Variants in SNX31 observed in about 807,000 individuals in gnomAD.
SNX31 encodes the protein sorting nexin-31.
A neutral mutation model predicts 65.4 loss-of-function variants in SNX31; 58 were observed. The observed-to-expected ratio is 0.89, with a 90% CI of 0.72 to 1.10. The LOEUF (loss-of-function observed/expected upper bound fraction) is 1.10. Ranked by LOEUF, SNX31 falls within the 50% of genes least tolerant of loss-of-function variation. SNX31 has a pLI of 0.00. For synonymous variants in SNX31, 181 were observed against 190.1 expected, an observed-to-expected ratio of 0.95 and a Z score of 0.39; for missense variants, 523 against 529.7, an observed-to-expected ratio of 0.99 and a Z score of 0.12.
Position 100,575,179 on chromosome 8 carries a change from T to G in SNX31, c.1228-1219A>C, listed in dbSNP as rs1812947683. ...AGTGGTTAAAGCAACAAACTAATTT[T>G]ATTTGTTAAACAACAAATAAAGACT... On this transcript the variant is annotated intron_variant, in intron 13 of 13. Coordinates refer to ENST00000311812, the MANE Select transcript of SNX31 (RefSeq NM_152628.4). The surrounding 1 kb of genome is among the most constrained non-coding windows in gnomAD (Gnocchi z 5.1). 6.6e-6 allele frequency among the ~76,000 whole-genome samples: 1 copy of G among 152,252 alleles called. No homozygotes were observed. The highest frequency in any genetic ancestry group is 6.5e-5 in the Admixed American group (1 of 15,294).
At position 100,610,547 on chromosome 8, in the gene SNX31, A is replaced by T. The variant is rs373664452; in HGVS notation, c.611+1453T>A. Among the ~76,000 whole-genome samples, 15 of 152,328 alleles carry T rather than the reference A, an allele frequency of 9.8e-5. 1 individual carries two copies. In the East Asian group the frequency reaches 2.5e-3, roughly 25 times the overall value. ...AGAAACTGAGGCTTAGAGAGCTTGA[A>T]CGACTTGGCTAGGTTTACGCAGCTA... On this transcript the variant is annotated intron_variant, in intron 7 of 13. Coordinates refer to ENST00000311812, the MANE Select transcript of SNX31 (RefSeq NM_152628.4). This position sits in a 1 kb window ranked among gnomAD's most constrained non-coding sequence, Gnocchi z 4.0.
chr8:100,605,100 T>A (rs762840494), intron 8 of SNX31, among the ~76,000 whole-genome samples: 2 of 152,154 alleles, frequency 1.3e-5, no homozygotes, highest in Non-Finnish European at 2.9e-5. Flanking sequence ...AGTTTCACCA[T>A]GTTAACCAGG....
At chr8:100,661,023 TGAG>T (rs1809776869) in intron 1 of SNX31, among the ~76,000 whole-genome samples, 1 of 151,548 alleles carries the variant, frequency 6.6e-6, no homozygotes, top group African/African-American at 2.4e-5. Flanking sequence ...TTTTTTTTTT[TGAG>T]ACAGGGTCTC....
In SNX31 at chr8:100,648,979, G is replaced by T. The variant is rs1362455118; in HGVS notation, c.141+295C>A. Among the ~76,000 whole-genome samples, 3 of 152,256 alleles carry T rather than the reference G, an allele frequency of 2.0e-5. No homozygotes were observed. The highest frequency in any genetic ancestry group is 4.1e-4 in the South Asian group (2 of 4,834). On this transcript the variant is annotated intron_variant, in intron 2 of 13. Coordinates refer to ENST00000311812, the MANE Select transcript of SNX31 (RefSeq NM_152628.4). The surrounding 1 kb of genome is among the most constrained non-coding windows in gnomAD (Gnocchi z 4.3). ...GGGCCCAGCATAGCCCCAGCGCCCT[G>T]CCAGGCGGCGCTAGCGGGGATCACC...
Position 100,630,467 on chromosome 8 carries a change from A to G in SNX31, c.257-76T>C. On this transcript the variant is annotated intron_variant, in intron 3 of 13. Coordinates refer to ENST00000311812, the MANE Select transcript of SNX31 (RefSeq NM_152628.4). This position sits in a 1 kb window ranked among gnomAD's most constrained non-coding sequence, Gnocchi z 5.3. ...GCCTATTAATTGCTATGTCCTCCAG[A>G]GATCCCTCCATGCCTTGCCAGTGCT... is the stretch of plus-strand genomic sequence containing the variant. 8.1e-7 allele frequency: 1 copy of G among 1,238,160 alleles called. No individual in the cohort carries two copies. The highest frequency in any genetic ancestry group is 1.3e-5 in the South Asian group (1 of 74,408). 76.7% of individuals were successfully genotyped at this position (1,238,160 alleles called of 1,614,324 possible).
rs1815975970 is a variant in SNX31 at position 100,604,698 on chromosome 8, T to C, written c.681+3796A>G. Among the ~76,000 whole-genome samples, 1 of 152,218 alleles carries C rather than the reference T, an allele frequency of 6.6e-6. No individual in the cohort carries two copies. Among genetic ancestry groups the C allele is most frequent in the South Asian group, 2.1e-4 (1 of 4,826 alleles). ...TTATAGTTTTAAATGCAATCTCTCA[T>C]TTTTAAACTCAGGTTAAAAGAGGAG... On this transcript the variant is annotated intron_variant, in intron 8 of 13. Transcript: ENST00000311812. The surrounding 1 kb of genome is among the most constrained non-coding windows in gnomAD (Gnocchi z 4.3).
chr8:100,587,140 T>C (rs2130838456), intron 11 of SNX31, among the ~76,000 whole-genome samples: 1 of 152,346 alleles, frequency 6.6e-6, no homozygotes, highest in African/African-American at 2.4e-5. Context: ...TCATAAATCC[T>C]GTTTCTCTTT....
upstream of SNX31, among the ~76,000 whole-genome samples, chr8:100,650,842 G>GT (rs200189569): frequency 0.01 from 1,040 of 103,718 alleles, 14 homozygotes; most frequent in African/African-American, 0.041. Context: ...TGTTTTTTGT[G>GT]TTTTTTTGTT....
chr8:100,627,015 A>T (rs1048483330), intron 4 of SNX31, among the ~76,000 whole-genome samples: 8 of 152,236 alleles, frequency 5.3e-5, no homozygotes, highest in African/African-American at 1.9e-4. Context: ...AATATTAAGG[A>T]AATGAAATCA....
upstream of SNX31, among the ~76,000 whole-genome samples, chr8:100,653,730 G>A (rs112694381): frequency 3.9e-5 from 6 of 152,090 alleles, no homozygotes; most frequent in African/African-American, 1.2e-4. Flanking sequence ...GAAGCCATAA[G>A]GAAAACCTAC....
At chr8:100,605,023 C>T (rs952063833) in intron 8 of SNX31, among the ~76,000 whole-genome samples, 2 of 152,090 alleles carry the variant, frequency 1.3e-5, no homozygotes, top group African/African-American at 2.4e-5. Flanking sequence ...CTCGGCCTCC[C>T]GAGTAGCTGG....
At chr8:100,631,644 A>C (rs1818425693) in intron 3 of SNX31, among the ~76,000 whole-genome samples, 1 of 151,988 alleles carries the variant, frequency 6.6e-6, no homozygotes, top group African/African-American at 2.4e-5. Flanking sequence ...CAGCATTCAA[A>C]ACTATCACTG....
chr8:100,604,142 T>C lies in SNX31; in HGVS notation c.682-3701A>G, dbSNP rs1815919914. On this transcript the variant is annotated intron_variant, in intron 8 of 13. Coordinates refer to ENST00000311812, the MANE Select transcript of SNX31 (RefSeq NM_152628.4). This position sits in a 1 kb window ranked among gnomAD's most constrained non-coding sequence, Gnocchi z 4.3. ...CCTCACTCTGAGTAGGTCCAGACAA[T>C]GAGAGTCGAGTCTAGACAAGTCTAC... 6.6e-6 allele frequency among the ~76,000 whole-genome samples: 1 copy of C among 152,110 alleles called. No homozygotes were observed. The highest frequency in any genetic ancestry group is 2.1e-4 in the South Asian group (1 of 4,822).
intron 9 of SNX31, among the ~76,000 whole-genome samples, chr8:100,599,774 G>T (rs888230310): frequency 6.6e-6 from 1 of 152,268 alleles, no homozygotes; most frequent in African/African-American, 2.4e-5. Flanking sequence ...GCTGCTTGGG[G>T]GCAGGAGGTA....
At chr8:100,620,946 T>C (rs761793212) in intron 4 of SNX31, among the ~76,000 whole-genome samples, 2 of 151,998 alleles carry the variant, frequency 1.3e-5, no homozygotes, top group Non-Finnish European at 1.5e-5. Context: ...GGTGAAACCC[T>C]ATCTCTACTA....
chr8:100,623,773 C>T (rs954377458), intron 4 of SNX31, among the ~76,000 whole-genome samples: 7 of 152,106 alleles, frequency 4.6e-5, no homozygotes, highest in East Asian at 3.9e-4. Context: ...CCTTCTCTAC[C>T]GGCTCCTACT....
intron 2 of SNX31, among the ~76,000 whole-genome samples, chr8:100,646,024 G>T (rs1272339073): frequency 6.6e-6 from 1 of 152,170 alleles, no homozygotes; most frequent in Non-Finnish European, 1.5e-5. Context: ...GAGAGTAGAT[G>T]TTGGAGGCCT....
chr8:100,581,613 G>A (rs373746274), intron 12 of SNX31, among the ~76,000 whole-genome samples: 100 of 152,022 alleles, frequency 6.6e-4, no homozygotes, highest in African/African-American at 2.3e-3. Flanking sequence ...GGCTCATTTG[G>A]TTACAGTTCT....
chr8:100,644,003 G>C (rs1396434985), intron 2 of SNX31, among the ~76,000 whole-genome samples: 5 of 152,158 alleles, frequency 3.3e-5, no homozygotes, highest in African/African-American at 1.2e-4. Flanking sequence ...AGAAACGATT[G>C]CTCCCTTGAC....
Sources: gnomAD v4.1 joint callset for allele counts (sites outside exome capture counted in the v4.1 genomes callset) on GRCh38, gnomAD v4.1.1 for gene constraint, Gnocchi (gnomAD v3.1) non-coding constraint, MANE v1.5 for transcripts, NCBI Gene and HGNC (gene_info 2026-07-23, HGNC 2026-07-21) for gene names.